Variants in C10orf67 observed in about 807,000 individuals in gnomAD.
C10orf67 encodes the protein uncharacterized protein C10orf67, mitochondrial.
In C10orf67, 60 loss-of-function variants were observed where a neutral mutation model predicts 35.6. The observed-to-expected ratio is 1.68, with a 90% CI of 1.37 to 2.09. The LOEUF is 2.09. Among genes scored for constraint, C10orf67 ranks in the 30% most tolerant of loss-of-function variants. The pLI, the probability that C10orf67 is intolerant of heterozygous loss-of-function variation, is 0.00. For missense variants in C10orf67, 474 were observed against 330.2 expected, an observed-to-expected ratio of 1.44 and a Z score of -3.38; for synonymous variants, 167 against 115.8, an observed-to-expected ratio of 1.44 and a Z score of -2.84.
intron 5 of C10orf67, among the ~76,000 whole-genome samples, chr10:23,300,901 C>G (rs1844051392): frequency 6.6e-6 from 1 of 152,206 alleles, no homozygotes; most frequent in Non-Finnish European, 1.5e-5. Context: ...GTTATGACGG[C>G]ACTTCTCTCA....
intron 8 of C10orf67, among the ~76,000 whole-genome samples, chr10:23,271,593 G>A (rs560976905): frequency 2.6e-4 from 40 of 152,232 alleles, no homozygotes; most frequent in South Asian, 1.2e-3. Context: ...TTATATGGTC[G>A]ACCTTTTAAA....
chr10:23,238,774 G>C (rs1296947740), intron 13 of C10orf67, among the ~76,000 whole-genome samples: 3 of 152,054 alleles, frequency 2.0e-5, no homozygotes. Flanking sequence ...GAAAAACCAA[G>C]AGGGGAAAAA....
chr10:23,328,078 C>G (rs1255992009), intron 2 of C10orf67, among the ~76,000 whole-genome samples: 1 of 151,970 alleles, frequency 6.6e-6, no homozygotes, highest in Non-Finnish European at 1.5e-5. Context: ...AATTTAAATA[C>G]TAATAAAAAT....
At chr10:23,300,524 T>C (rs1178657031) in intron 5 of C10orf67, among the ~76,000 whole-genome samples, 1 of 152,226 alleles carries the variant, frequency 6.6e-6, no homozygotes, top group African/African-American at 2.4e-5. Context: ...TGCAGCTGAC[T>C]GAGTAATAAA....
chr10:23,280,392 C>T (rs1448142478), intron 8 of C10orf67, among the ~76,000 whole-genome samples: 1 of 152,080 alleles, frequency 6.6e-6, no homozygotes, highest in East Asian at 1.9e-4. Flanking sequence ...CGCAGGATAG[C>T]GAGAAACAAA....
intron 15 of C10orf67, among the ~76,000 whole-genome samples, chr10:23,209,396 T>G (rs1359039735): frequency 6.6e-6 from 1 of 151,878 alleles, no homozygotes; most frequent in Non-Finnish European, 1.5e-5. Flanking sequence ...GGAGAGCGTT[T>G]GGAGAATTAA....
At chr10:23,251,230 T>C (rs1419896597) in intron 10 of C10orf67, among the ~76,000 whole-genome samples, 1 of 152,216 alleles carries the variant, frequency 6.6e-6, no homozygotes, top group Non-Finnish European at 1.5e-5. Flanking sequence ...TAAACCATAT[T>C]ACAAAGCAAC....
At chr10:23,259,857 A>G (rs1258885335) in intron 10 of C10orf67, among the ~76,000 whole-genome samples, 1 of 152,128 alleles carries the variant, frequency 6.6e-6, no homozygotes, top group Non-Finnish European at 1.5e-5. Flanking sequence ...AAAAAAAGAC[A>G]ACTCTCCAAA....
intron 3 of C10orf67, among the ~76,000 whole-genome samples, chr10:23,321,553 T>C (rs915310534): frequency 2.0e-5 from 3 of 152,288 alleles, no homozygotes; most frequent in Admixed American, 2.0e-4. Context: ...AATTTAAATA[T>C]CATTGCTCCC....
chr10:23,234,059 T>A (rs952104125), intron 13 of C10orf67, among the ~76,000 whole-genome samples: 1 of 152,178 alleles, frequency 6.6e-6, no homozygotes, highest in East Asian at 1.9e-4. Flanking sequence ...AAAAGAACAC[T>A]TACACATGGT....
At chr10:23,333,758 C>A (rs559055964) in intron 1 of C10orf67, among the ~76,000 whole-genome samples, 11 of 152,106 alleles carry the variant, frequency 7.2e-5, no homozygotes, top group Non-Finnish European at 1.5e-5. Context: ...CATGGAAAAG[C>A]TTTGCAAAAA....
chr10:23,284,874 C>T (rs1843486601), intron 7 of C10orf67, among the ~76,000 whole-genome samples: 1 of 152,256 alleles, frequency 6.6e-6, no homozygotes, highest in South Asian at 2.1e-4. Flanking sequence ...TCTCACTGCC[C>T]TGTGGTTTTG....
rs368085970 is a variant in C10orf67, at chr10:23,263,327, CT to C, written c.1200+2934del. On this transcript the variant is annotated intron_variant, in intron 10 of 15. Transcript: ENST00000636213. Reference sequence around the variant, plus strand: ...AATAGTAAATTTCAGAAGAAAAGATCTTTTCTTCAACCATCTAGCCTATAAT... The same window carrying C: ...AATAGTAAATTTCAGAAGAAAAGATCTTTCTTCAACCATCTAGCCTATAAT... 3.9e-5 allele frequency among the ~76,000 whole-genome samples: 6 copies of C among 152,218 alleles called. No homozygotes were observed. The South Asian group carries it at 6.2e-4, about 16-fold the overall frequency.
Position 23,309,076 on chromosome 10 carries a change from C to G in C10orf67, c.547-5617G>C, listed in dbSNP as rs1035545921. ...TTTATTTTACTCTTAAAAAAGATAC[C>G]TGCGCTTATATGTTTATTGCAGCAC... On this transcript the variant is annotated intron_variant, in intron 4 of 15. Coordinates refer to ENST00000636213, the MANE Select transcript of C10orf67 (RefSeq NM_001371909.1). Among the ~76,000 whole-genome samples, 5 of 152,040 alleles carry G rather than the reference C, an allele frequency of 3.3e-5. 1 individual carries two copies. The highest frequency in any genetic ancestry group is 4.1e-4 in the South Asian group (2 of 4,834).
intron 7 of C10orf67, among the ~76,000 whole-genome samples, chr10:23,288,497 T>C (rs567846472): frequency 6.6e-5 from 10 of 152,110 alleles, no homozygotes; most frequent in Admixed American, 3.9e-4. Context: ...AGAGAGAACT[T>C]AGAGGATGGG....
chr10:23,265,060 C>G (rs1268412366), intron 10 of C10orf67, among the ~76,000 whole-genome samples: 1 of 152,258 alleles, frequency 6.6e-6, no homozygotes, highest in Non-Finnish European at 1.5e-5. Context: ...AATTTACCCT[C>G]TTCCAGTGTC....
At chr10:23,243,286 A>T (rs1056511646) in intron 12 of C10orf67, among the ~76,000 whole-genome samples, 1 of 152,218 alleles carries the variant, frequency 6.6e-6, no homozygotes, top group African/African-American at 2.4e-5. Flanking sequence ...TGATAGTTGG[A>T]TATGATGCCA....
At chr10:23,275,646 T>TG (rs1588641129) in intron 8 of C10orf67, among the ~76,000 whole-genome samples, 1 of 152,138 alleles carries the variant, frequency 6.6e-6, no homozygotes, top group East Asian at 1.9e-4. Flanking sequence ...CCCTGCACTG[T>TG]GACTTCTGTT....
At chr10:23,261,312 A>G (rs1380245415) in intron 10 of C10orf67, among the ~76,000 whole-genome samples, 1 of 152,174 alleles carries the variant, frequency 6.6e-6, no homozygotes, top group Non-Finnish European at 1.5e-5. Context: ...ACTGTTTTTA[A>G]GACACATTTC....
Sources: gnomAD v4.1 joint callset for allele counts (sites outside exome capture counted in the v4.1 genomes callset) on GRCh38, gnomAD v4.1.1 for gene constraint, MANE v1.5 for transcripts, NCBI Gene and HGNC (gene_info 2026-07-23, HGNC 2026-07-21) for gene names.